DPYD: variants seen among roughly 807,000 people sequenced by gnomAD.
DPYD encodes dihydropyrimidine dehydrogenase.
DPYD carries 109 observed loss-of-function variants against 116.2 expected under a neutral mutation model. The ratio of observed to expected loss-of-function variants is 0.94; its 90% CI spans 0.80 to 1.10. DPYD has a LOEUF of 1.10. DPYD is among the 50% of genes least tolerant of loss of function. DPYD has a pLI of 0.00. For missense variants in DPYD, 1,302 were observed against 1,254.5 expected (o/e 1.04, Z -0.57); for synonymous variants, 440 against 432.0 (o/e 1.02, Z -0.23).
chr1:97,266,109 A>G (rs535979365), intron 18 of DPYD, among the ~76,000 whole-genome samples: 9 of 152,340 alleles, frequency 5.9e-5, no homozygotes, highest in Admixed American at 4.6e-4. Flanking sequence ...AAATAAACTT[A>G]ATCTAAGTTT....
intron 16 of DPYD, among the ~76,000 whole-genome samples, chr1:97,371,205 A>T (rs1027432408): frequency 2.6e-5 from 4 of 152,208 alleles, no homozygotes; most frequent in Non-Finnish European, 5.9e-5. Flanking sequence ...GGAGAAAAAA[A>T]TCAAGTATTT....
intron 8 of DPYD, among the ~76,000 whole-genome samples, chr1:97,632,270 A>G (rs1385568741): frequency 6.6e-6 from 1 of 152,126 alleles, no homozygotes; most frequent in Non-Finnish European, 1.5e-5. Context: ...GAAGTCGCAC[A>G]TGCTATACAT....
chr1:97,782,358 C>T (rs1043555012), intron 3 of DPYD, among the ~76,000 whole-genome samples: 1 of 152,180 alleles, frequency 6.6e-6, no homozygotes, highest in African/African-American at 2.4e-5. Context: ...CTTCTGTGGC[C>T]CCAGACAGCT....
At chr1:97,752,290 TCACACACA>T (rs146577982) in intron 3 of DPYD, among the ~76,000 whole-genome samples, 213 of 145,962 alleles carry the variant, frequency 1.5e-3, no homozygotes, top group African/African-American at 4.7e-3. Flanking sequence ...TAAACCTACT[TCACACACA>T]CACACACACA....
At chr1:97,271,968 G>A (rs545373344) in intron 18 of DPYD, among the ~76,000 whole-genome samples, 1 of 152,228 alleles carries the variant, frequency 6.6e-6, no homozygotes, top group South Asian at 2.1e-4. Flanking sequence ...GTAATTGCTA[G>A]CCTCTTTCTG....
chr1:97,623,549 C>T (rs1656749705), intron 8 of DPYD, among the ~76,000 whole-genome samples: 1 of 151,906 alleles, frequency 6.6e-6, no homozygotes. Flanking sequence ...AAAATAACTA[C>T]TGACAAAAGG....
rs2101548141 is a variant in DPYD at position 97,078,814 on chromosome 1, A to G, written c.*162T>C. On this transcript the variant is annotated 3_prime_UTR_variant, in exon 23 of 23. Coordinates refer to ENST00000370192, the MANE Select transcript of DPYD (RefSeq NM_000110.4). ...CTAATTGAATGGTCATTGACATGAG[A>G]CATTTTTTACACTTACAAATGTATT... The G allele has an allele frequency of 2.5e-6, 2 of 800,844 alleles. No individual in the cohort carries two copies. Among genetic ancestry groups the G allele is most frequent in the South Asian group, 1.7e-5 (1 of 59,302 alleles). The allele number at this position is 800,844 out of a possible 1,614,324, so 49.6% of individuals were successfully genotyped here. A position where few individuals can be genotyped will look rare whatever the true frequency, so the allele number is the denominator to read the frequency against.
intron 19 of DPYD, among the ~76,000 whole-genome samples, chr1:97,221,995 A>T (rs192615742): frequency 6.6e-6 from 1 of 152,224 alleles, no homozygotes; most frequent in East Asian, 1.9e-4. Context: ...TACCCATCCA[A>T]TCACAACTCA....
Position 97,605,238 on chromosome 1 carries a change from C to T in DPYD, c.851-10072G>A, listed in dbSNP as rs371290309. Among the ~76,000 whole-genome samples, 12 of 152,146 alleles carry T rather than the reference C, an allele frequency of 7.9e-5. No homozygotes were observed. The East Asian group carries it at 1.5e-3, about 20-fold the overall frequency. On this transcript the variant is annotated intron_variant, in intron 8 of 22. Transcript: ENST00000370192. Reference sequence around the variant, plus strand: ...ATATCAGACATCCTTATGTTCATATCGATATGTGATATGGTTTGACTGTAT... The same window carrying T: ...ATATCAGACATCCTTATGTTCATATTGATATGTGATATGGTTTGACTGTAT...
rs143810803 is a variant in DPYD, at chr1:97,502,183, C to T, written c.1740+13543G>A. ...AAGAACAGGAGGAAAGAATTTGTGA[C>T]CACTCCTTCATAGTTTAATTGGTTA... On this transcript the variant is annotated intron_variant, in intron 13 of 22. Transcript: ENST00000370192. Among the ~76,000 whole-genome samples, 823 of 152,162 alleles carry T rather than the reference C, an allele frequency of 5.4e-3. 12 individuals are homozygous for T. Among genetic ancestry groups the T allele is most frequent in the African/African-American group, 0.019 (784 of 41,538 alleles).
Position 97,671,401 on chromosome 1 carries a change from A to T in DPYD, c.850+7694T>A, listed in dbSNP as rs140286995. ...GAAAATATCTGATATTCAGCACAGTAATGTAATACTTGACATAATTATAAG... is the reference window on the plus strand; with the variant it reads ...GAAAATATCTGATATTCAGCACAGTTATGTAATACTTGACATAATTATAAG... On this transcript the variant is annotated intron_variant, in intron 8 of 22. Coordinates refer to ENST00000370192, the MANE Select transcript of DPYD (RefSeq NM_000110.4). Among the ~76,000 whole-genome samples the T allele has an allele frequency of 1.3e-3, 196 of 152,328 alleles. 1 individual carries two copies. The highest frequency in any genetic ancestry group is 4.5e-3 in the African/African-American group (186 of 41,584).
At chr1:97,703,698 C>T (rs1016145260) in intron 5 of DPYD, among the ~76,000 whole-genome samples, 1 of 151,922 alleles carries the variant, frequency 6.6e-6, no homozygotes, top group African/African-American at 2.4e-5. Context: ...GTGGATAATA[C>T]ATCGAACACA....
chr1:97,892,995 T>G (rs943055717), intron 1 of DPYD, among the ~76,000 whole-genome samples: 1 of 151,772 alleles, frequency 6.6e-6, no homozygotes, highest in African/African-American at 2.4e-5. Flanking sequence ...ACTTACCCCA[T>G]AGGGTTGTTG....
At chr1:97,665,059 G>A (rs1056250185) in intron 8 of DPYD, among the ~76,000 whole-genome samples, 7 of 151,916 alleles carry the variant, frequency 4.6e-5, no homozygotes, top group Admixed American at 3.3e-4. Context: ...ATATGATCTC[G>A]TATTATCACC....
intron 17 of DPYD, among the ~76,000 whole-genome samples, chr1:97,305,792 A>G (rs969910632): frequency 1.3e-5 from 2 of 151,972 alleles, no homozygotes; most frequent in Admixed American, 6.6e-5. Context: ...CTCATAAGAA[A>G]TTTCACATTG....
chr1:97,479,498 A>G (rs1678179300), intron 13 of DPYD, among the ~76,000 whole-genome samples: 1 of 152,212 alleles, frequency 6.6e-6, no homozygotes, highest in Non-Finnish European at 1.5e-5. Context: ...GGTGCTCCAA[A>G]GCAATTACAA....
chr1:97,783,149 T>C (rs1202207447), intron 3 of DPYD, among the ~76,000 whole-genome samples: 1 of 152,178 alleles, frequency 6.6e-6, no homozygotes, highest in Non-Finnish European at 1.5e-5. Context: ...AAAACTATTA[T>C]TCGAATGATC....
chr1:97,193,684 T>C (rs1224680186), intron 19 of DPYD, among the ~76,000 whole-genome samples: 2 of 152,144 alleles, frequency 1.3e-5, no homozygotes, highest in South Asian at 4.1e-4. Flanking sequence ...GTGCTGTTTA[T>C]TACGTTAACT....
chr1:97,815,098 AAG>A (rs371548692), intron 3 of DPYD, among the ~76,000 whole-genome samples: 3 of 9,394 alleles, frequency 3.2e-4, no homozygotes, highest in Non-Finnish European at 9.0e-4. Flanking sequence ...AAGAGAAGAG[AAG>A]AGAAAAGAGA....
Sources: gnomAD v4.1 joint callset for allele counts (sites outside exome capture counted in the v4.1 genomes callset) on GRCh38, gnomAD v4.1.1 for gene constraint, MANE v1.5 for transcripts, NCBI Gene and HGNC (gene_info 2026-07-23, HGNC 2026-07-21) for gene names.